PIK3C2G: variants seen among roughly 807,000 people sequenced by gnomAD.
PIK3C2G encodes the protein phosphatidylinositol-4-phosphate 3-kinase catalytic subunit type 2 gamma.
PIK3C2G carries 168 observed loss-of-function variants against 181.1 expected under a neutral mutation model. The ratio of observed to expected loss-of-function variants is 0.93; its 90% CI spans 0.82 to 1.05. The LOEUF is 1.05. Ranked by LOEUF, PIK3C2G falls within the 50% of genes least tolerant of loss-of-function variation. PIK3C2G has a pLI of 0.00. For missense variants in PIK3C2G, 1,869 were observed against 1,732.8 expected, an observed-to-expected ratio of 1.08 and a Z score of -1.40; for synonymous variants, 573 against 592.2, an observed-to-expected ratio of 0.97 and a Z score of 0.47.
At chr12:18,362,932 T>G in intron 12 of PIK3C2G, 46 bp downstream of exon 12, 1 of 1,378,884 alleles carries the variant, frequency 7.3e-7, no homozygotes, top group South Asian at 1.5e-5. Flanking sequence ...GTAATAAATG[T>G]CAGCTTTTTC....
At chr12:18,612,550 G>C (rs1175206406) in intron 31 of PIK3C2G, among the ~76,000 whole-genome samples, 1 of 152,046 alleles carries the variant, frequency 6.6e-6, no homozygotes, top group Non-Finnish European at 1.5e-5. Flanking sequence ...TCACAGCAAA[G>C]TTATGCATTG....
At chr12:18,519,853 A>C (rs1045418016) in intron 24 of PIK3C2G, among the ~76,000 whole-genome samples, 1 of 151,694 alleles carries the variant, frequency 6.6e-6, no homozygotes, top group African/African-American at 2.4e-5. Flanking sequence ...AGTGTCTGGT[A>C]CCGGTTTTTC....
intron 26 of PIK3C2G, among the ~76,000 whole-genome samples, chr12:18,554,295 T>G (rs1052386809): frequency 1.3e-5 from 2 of 152,116 alleles, no homozygotes; most frequent in Non-Finnish European, 2.9e-5. Context: ...GTTCTTTAAC[T>G]TTAGTGTCTT....
At chr12:18,612,802 T>C (rs1006631121) in intron 31 of PIK3C2G, among the ~76,000 whole-genome samples, 1 of 152,272 alleles carries the variant, frequency 6.6e-6, no homozygotes, top group Admixed American at 6.5e-5. Flanking sequence ...AGTTCTGTTA[T>C]GTTTAATGTT....
chr12:18,292,245 T>TATAC (rs1379246809), intron 4 of PIK3C2G, among the ~76,000 whole-genome samples: 1 of 131,938 alleles, frequency 7.6e-6, no homozygotes, highest in African/African-American at 2.8e-5. Context: ...TATATATATA[T>TATAC]ATATATATAT....
At position 18,529,081 on chromosome 12, in the gene PIK3C2G, C is replaced by G. The variant is rs966114059; in HGVS notation, c.3324-9075C>G. Among the ~76,000 whole-genome samples the G allele has an allele frequency of 3.9e-5, 6 of 152,000 alleles. No homozygotes were observed. In the South Asian group the frequency reaches 1.2e-3, roughly 31 times the overall value. ...AAGATGCCATGATATTCCCATTTCT[C>G]GATAATCCCAACACAGCCTACGCTT... On this transcript the variant is annotated intron_variant, in intron 24 of 32. Coordinates refer to ENST00000538779, the MANE Select transcript of PIK3C2G (RefSeq NM_001288772.2).
At chr12:18,543,018 G>A (rs2136258277) in intron 25 of PIK3C2G, among the ~76,000 whole-genome samples, 1 of 152,124 alleles carries the variant, frequency 6.6e-6, no homozygotes, top group Non-Finnish European at 1.5e-5. Flanking sequence ...CAGTGTGTAA[G>A]TGTTCCCGTT....
chr12:18,406,386 A>G (rs1007531972), intron 16 of PIK3C2G, among the ~76,000 whole-genome samples: 5 of 152,200 alleles, frequency 3.3e-5, no homozygotes, highest in African/African-American at 9.6e-5. Context: ...ATTCATTTGG[A>G]TATATATCCA....
At chr12:18,560,101 G>T (rs1471529899) in intron 26 of PIK3C2G, among the ~76,000 whole-genome samples, 3 of 151,534 alleles carry the variant, frequency 2.0e-5, no homozygotes, top group Non-Finnish European at 4.4e-5. Flanking sequence ...AAAGTGCTGG[G>T]ATTACAGGCA....
At chr12:18,325,141 T>G in intron 8 of PIK3C2G, 43 bp downstream of exon 8, 2 of 1,090,972 alleles carry the variant, frequency 1.8e-6, no homozygotes, top group Middle Eastern at 2.0e-4. Flanking sequence ...AGTAAGCGTT[T>G]TTAACGCATC....
chr12:18,635,231 G>T (rs147980520), intron 31 of PIK3C2G, among the ~76,000 whole-genome samples: 1 of 152,190 alleles, frequency 6.6e-6, no homozygotes, highest in Non-Finnish European at 1.5e-5. Context: ...TCAACTGACC[G>T]CAGGGAACTC....
chr12:18,718,248 A>T, the PIK3C2G span, among the ~76,000 whole-genome samples: 1 of 152,066 alleles, frequency 6.6e-6, no homozygotes, highest in East Asian at 1.9e-4. Flanking sequence ...ACTACTTGTC[A>T]TCTCAGCTGC....
At chr12:18,557,989 G>A (rs1303614307) in intron 26 of PIK3C2G, among the ~76,000 whole-genome samples, 2 of 152,090 alleles carry the variant, frequency 1.3e-5, no homozygotes, top group Non-Finnish European at 2.9e-5. Flanking sequence ...TTTTGTGTGT[G>A]GGTGAACTTG....
intron 24 of PIK3C2G, among the ~76,000 whole-genome samples, chr12:18,509,011 G>A (rs927278088): frequency 3.3e-5 from 5 of 151,384 alleles, no homozygotes; most frequent in African/African-American, 1.2e-4. Flanking sequence ...AACTTTTTAT[G>A]GTTTACACAA....
intron 11 of PIK3C2G, among the ~76,000 whole-genome samples, chr12:18,360,891 A>T (rs1481995979): frequency 6.6e-6 from 1 of 152,120 alleles, no homozygotes; most frequent in Non-Finnish European, 1.5e-5. Flanking sequence ...GGTTTCCTGA[A>T]TCTGGATGTT....
upstream of PIK3C2G, among the ~76,000 whole-genome samples, chr12:18,245,072 A>C (rs1360368449): frequency 2.6e-5 from 4 of 152,128 alleles, no homozygotes; most frequent in African/African-American, 9.6e-5. Flanking sequence ...AAAGCATGTG[A>C]ACTGAAAAAT....
chr12:18,509,834 G>T (rs956905042), intron 24 of PIK3C2G, among the ~76,000 whole-genome samples: 15 of 152,178 alleles, frequency 9.9e-5, no homozygotes, highest in Admixed American at 1.3e-4. Context: ...TATACCATCA[G>T]ATTAAATCAA....
intron 1 of PIK3C2G, among the ~76,000 whole-genome samples, chr12:18,280,954 CA>C (rs530346163): frequency 1.3e-5 from 2 of 151,920 alleles, no homozygotes; most frequent in South Asian, 2.1e-4. Flanking sequence ...AGGAAGGGTT[CA>C]AAGGTGAAAC....
rs776794995 is a variant in PIK3C2G at position 18,381,817 on chromosome 12, TC to T, written c.1935del (p.Val646Ter). The part of the protein sequence containing the change: ...LFSMTLQSEP[P>X]VEMITPGVWD... ...TCAGCATGACATTACAGAGTGAGCC[TC>T]CCGTAGAAATGATAACTCCAGGAGT... On this transcript the variant is annotated frameshift_variant, in exon 14 of 33. Transcript: ENST00000538779. LOFTEE classifies it high-confidence loss of function. 1.2e-6 allele frequency: 2 copies of T among 1,613,858 alleles called. No homozygotes were observed. The highest frequency in any genetic ancestry group is 3.3e-5 in the Admixed American group (2 of 60,010).
Sources: allele counts gnomAD v4.1 joint callset (sites outside exome capture counted in the v4.1 genomes callset), GRCh38; gene constraint gnomAD v4.1.1; transcripts MANE v1.5; gene names NCBI Gene and HGNC (gene_info 2026-07-23, HGNC 2026-07-21).